Variants in ADGRL3 observed in about 807,000 individuals in gnomAD.
ADGRL3 encodes calcium-independent alpha-latrotoxin receptor 3.
In ADGRL3, 62 loss-of-function variants were observed where a neutral mutation model predicts 153.5. That is an observed-to-expected ratio of 0.40 (90% confidence interval 0.33 to 0.50). ADGRL3 has a LOEUF of 0.50. Among genes scored for constraint, ADGRL3 ranks in the 20% least tolerant of loss-of-function variants. The pLI, the probability that ADGRL3 is intolerant of heterozygous loss-of-function variation, is 0.47. For synonymous variants in ADGRL3, 710 were observed against 672.5 expected, an observed-to-expected ratio of 1.06 and a Z score of -0.86; for missense variants, 1,641 against 1,859.4, an observed-to-expected ratio of 0.88 and a Z score of 2.16.
intron 17 of ADGRL3, among the ~76,000 whole-genome samples, chr4:61,957,549 GTATT>G (rs58620707): frequency 1.4e-3 from 204 of 144,452 alleles, no homozygotes; most frequent in Middle Eastern, 0.011. Context: ...TTACATTTAT[GTATT>G]TATTTATTTA....
chr4:62,040,561 C>T (rs1727697183), intron 24 of ADGRL3, among the ~76,000 whole-genome samples: 1 of 151,970 alleles, frequency 6.6e-6, no homozygotes, highest in African/African-American at 2.4e-5. Context: ...CATAAGAGCA[C>T]TTCTAAAATA....
rs761911542 is a variant in ADGRL3, at chr4:61,948,250, G to A, written c.2779G>A (p.Val927Ile). 2 of 1,613,724 alleles carry A rather than the reference G, an allele frequency of 1.2e-6. No individual in the cohort carries two copies. Among genetic ancestry groups the A allele is most frequent in the East Asian group, 2.2e-5 (1 of 44,844 alleles). The stretch of plus-strand genomic sequence containing the variant: ...TTGTAACCACCTAACAAATTTTGCA[G>A]TACTGATGGCACATGTGGAAGTTAA... ...CSCNHLTNFA[V>I]LMAHVEVKHS... Residue 927 changes from valine (V) to isoleucine (I), a missense_variant, in exon 17 of 27, where the codon GTA (valine) becomes ATA (isoleucine). By Grantham distance (29) the Val-to-Ile change is conservative. Around this residue, in one of 5 missense-constraint regions of ADGRL3, gnomAD observed 734 missense variants for 797.0 expected, o/e 0.92. Coordinates refer to ENST00000683033, the MANE Select transcript of ADGRL3 (RefSeq NM_001387552.1).
intron 3 of ADGRL3, among the ~76,000 whole-genome samples, chr4:61,511,881 T>C (rs893267455): frequency 9.9e-5 from 15 of 152,188 alleles, no homozygotes; most frequent in Non-Finnish European, 1.5e-5. Context: ...TTGAATTGGA[T>C]CTTTTATGAC....
intron 4 of ADGRL3, among the ~76,000 whole-genome samples, chr4:61,542,941 A>G (rs1220468164): frequency 6.6e-6 from 1 of 152,126 alleles, no homozygotes; most frequent in African/African-American, 2.4e-5. Context: ...ACTTCTCAGC[A>G]TTGTATGACA....
chr4:61,613,908 A>C (rs974918371), intron 5 of ADGRL3, among the ~76,000 whole-genome samples: 1 of 152,184 alleles, frequency 6.6e-6, no homozygotes, highest in East Asian at 1.9e-4. Flanking sequence ...CAAGATTCCA[A>C]CTGTGAAGAA....
At chr4:61,812,458 A>G in intron 8 of ADGRL3, among the ~76,000 whole-genome samples, 1 of 152,236 alleles carries the variant, frequency 6.6e-6, no homozygotes, top group East Asian at 1.9e-4. Context: ...TCCAACTGTT[A>G]TCATAATCTA....
chr4:61,337,529 G>A (rs1412961361), intron 1 of ADGRL3, among the ~76,000 whole-genome samples: 1 of 152,138 alleles, frequency 6.6e-6, no homozygotes, highest in Non-Finnish European at 1.5e-5. Flanking sequence ...AGAGGTTTTT[G>A]TGAAGATCAA....
chr4:61,830,678 AG>A (rs2097858530), intron 9 of ADGRL3, among the ~76,000 whole-genome samples: 1 of 152,178 alleles, frequency 6.6e-6, no homozygotes, highest in African/African-American at 2.4e-5. Context: ...TTGACCAGCC[AG>A]ATTAGTAGGA....
chr4:61,647,105 G>A (rs1006420242), intron 5 of ADGRL3, among the ~76,000 whole-genome samples: 4 of 152,192 alleles, frequency 2.6e-5, no homozygotes, highest in African/African-American at 4.8e-5. Context: ...TGTGCTTCCC[G>A]AGTGAGGCAA....
At chr4:61,231,814 G>T (rs904899855) in intron 1 of ADGRL3, among the ~76,000 whole-genome samples, 2 of 151,850 alleles carry the variant, frequency 1.3e-5, no homozygotes, top group African/African-American at 4.8e-5. Flanking sequence ...ATTAATAAAA[G>T]GTATCCATGG....
Position 61,775,906 on chromosome 4 carries a change from TA to T in ADGRL3, c.1400-37902del, listed in dbSNP as rs370781865. The stretch of plus-strand genomic sequence containing the variant: ...GTTTTTATTTATTTATTTATTTATT[TA>T]TTTATTTTTTTGAGACGGAGTCTCA... On this transcript the variant is annotated intron_variant, in intron 8 of 26. Transcript: ENST00000683033. The T allele has an allele frequency of 3.7e-3, 890 of 242,040 alleles. 5 individuals carry two copies. The highest frequency in any genetic ancestry group is 6.9e-3 in the African/African-American group (299 of 43,644). The allele number at this position is 242,040 out of a possible 1,614,324, so 15.0% of individuals were successfully genotyped here.
At chr4:61,790,345 A>G (rs1414920467) in intron 8 of ADGRL3, among the ~76,000 whole-genome samples, 1 of 152,182 alleles carries the variant, frequency 6.6e-6, no homozygotes, top group Non-Finnish European at 1.5e-5. Flanking sequence ...TCATTTATGT[A>G]TAGTAGGCCT....
chr4:62,051,906 A>G (rs1222352269), intron 25 of ADGRL3, among the ~76,000 whole-genome samples: 1 of 151,712 alleles, frequency 6.6e-6, no homozygotes, highest in Non-Finnish European at 1.5e-5. Context: ...ATTTTTAAAA[A>G]TTCCTATTTT....
chr4:61,332,655 T>A (rs2095597023), intron 1 of ADGRL3, among the ~76,000 whole-genome samples: 1 of 152,144 alleles, frequency 6.6e-6, no homozygotes. Context: ...GAAAGTTAGT[T>A]GATGTTTTGT....
chr4:61,562,163 T>C (rs1316285982), intron 4 of ADGRL3, among the ~76,000 whole-genome samples: 1 of 152,180 alleles, frequency 6.6e-6, no homozygotes, highest in Non-Finnish European at 1.5e-5. Flanking sequence ...TGCAGTAGCA[T>C]TATATTTATA....
intron 8 of ADGRL3, among the ~76,000 whole-genome samples, chr4:61,787,977 A>C (rs2152418917): frequency 6.6e-6 from 1 of 152,312 alleles, no homozygotes; most frequent in South Asian, 2.1e-4. Context: ...TGCTACTGCA[A>C]AACCAATAGC....
chr4:61,703,318 T>C (rs945451596), intron 6 of ADGRL3, among the ~76,000 whole-genome samples: 2 of 152,054 alleles, frequency 1.3e-5, no homozygotes, highest in Non-Finnish European at 1.5e-5. Flanking sequence ...TTCAGTACTC[T>C]AGTCACAAAT....
rs575840136 is a variant in ADGRL3 at position 61,648,031 on chromosome 4, G to A, written c.474-28795G>A. On this transcript the variant is annotated intron_variant, in intron 5 of 26. Transcript: ENST00000683033. ...CAACATATTCTTATAAAATGTGTAT[G>A]TTCCATTTCCTTTTATTTCTCATAA... 2.0e-5 allele frequency among the ~76,000 whole-genome samples: 3 copies of A among 152,238 alleles called. No individual in the cohort carries two copies. The South Asian group carries it at 6.2e-4, about 32-fold the overall frequency.
At chr4:61,988,689 G>A (rs1481239445) in intron 19 of ADGRL3, among the ~76,000 whole-genome samples, 2 of 152,098 alleles carry the variant, frequency 1.3e-5, no homozygotes, top group East Asian at 3.8e-4. Flanking sequence ...ATAGTTTATA[G>A]CATTTTCGAC....
Sources: allele counts gnomAD v4.1 joint callset (sites outside exome capture counted in the v4.1 genomes callset), GRCh38; gene constraint gnomAD v4.1.1; regional missense constraint gnomAD v4.1.1; transcripts MANE v1.5; gene names NCBI Gene and HGNC (gene_info 2026-07-23, HGNC 2026-07-21).